AP3B2: variants seen among roughly 807,000 people sequenced by gnomAD.
The protein encoded by AP3B2 is AP-3 complex subunit beta-2.
AP3B2 carries 50 observed loss-of-function variants against 126.9 expected under a neutral mutation model. The ratio of observed to expected loss-of-function variants is 0.39; its 90% CI spans 0.31 to 0.50. The LOEUF (loss-of-function observed/expected upper bound fraction) is 0.50, where lower values mean the gene tolerates loss of function less well. AP3B2 is among the 20% of genes least tolerant of loss of function. The probability of loss-of-function intolerance (pLI) is 0.79; values close to 1 mark genes in which losing one functional copy is unlikely to be tolerated. For missense variants in AP3B2, 1,177 were observed against 1,426.4 expected, an observed-to-expected ratio of 0.83 and a Z score of 2.82; for synonymous variants, 541 against 565.0, an observed-to-expected ratio of 0.96 and a Z score of 0.60.
At chr15:82,698,778 G>A (rs1455162197) in intron 1 of AP3B2, among the ~76,000 whole-genome samples, 1 of 151,724 alleles carries the variant, frequency 6.6e-6, no homozygotes, top group African/African-American at 2.4e-5. Flanking sequence ...AATGCCACAT[G>A]CGCCTGTCAA....
rs549298889 is a variant in AP3B2 at position 82,703,098 on chromosome 15, G to A, written c.113+6496C>T. On this transcript the variant is annotated intron_variant, in intron 1 of 26. Transcript: ENST00000535359. ...TCTGTGAACCCAAAACTCCGGCGCC[G>A]ATCACGGACTCAGGAAGACAGTCTT... 5.3e-5 allele frequency among the ~76,000 whole-genome samples: 8 copies of A among 152,112 alleles called. No homozygotes were observed. In the East Asian group the frequency reaches 9.7e-4, roughly 18 times the overall value.
chr15:82,666,860 C>A lies in AP3B2; in HGVS notation c.1739G>T (p.Arg580Leu). 1 of 1,613,978 alleles carries A rather than the reference C, an allele frequency of 6.2e-7. No individual in the cohort carries two copies. The highest frequency in any genetic ancestry group is 8.5e-7 in the Non-Finnish European group (1 of 1,179,890). ...AGGGACGATGAGCTGCCGGGTGAAG[C>A]GCGCCCGGTCGCGAATATCATAGTT... ...DQNYDIRDRA[R>L]FTRQLIVPSE... is the part of the protein sequence containing the mutation. The change falls in exon 15 of 27, where the codon CGC (arginine) becomes CTC (leucine). Residue 580 changes from arginine (R) to leucine (L), a missense_variant. Physicochemically the swap from Arg to Leu is moderately radical, Grantham distance 102 (BLOSUM62 -2). Around this residue, in one of 5 missense-constraint regions of AP3B2, gnomAD observed 308 missense variants for 452.4 expected, o/e 0.68. Coordinates refer to ENST00000535359, the MANE Select transcript of AP3B2 (RefSeq NM_001278512.2).
At chr15:82,676,304 G>A (rs1402624330) in intron 14 of AP3B2, among the ~76,000 whole-genome samples, 157 bp downstream of exon 14, 1 of 152,200 alleles carries the variant, frequency 6.6e-6, no homozygotes, top group Non-Finnish European at 1.5e-5. Context: ...GGGCACTGGG[G>A]TAGCATTGGT....
At chr15:82,695,657 C>T (rs1427476897) in intron 1 of AP3B2, among the ~76,000 whole-genome samples, 1 of 152,144 alleles carries the variant, frequency 6.6e-6, no homozygotes, top group Admixed American at 6.5e-5. Context: ...GTGTTTGTCT[C>T]TACCCTTTAT....
Position 82,663,939 on chromosome 15 carries a change from CT to C in AP3B2, c.2297del (p.Lys766ArgfsTer29), listed in dbSNP as rs2048004912. The C allele has an allele frequency of 6.2e-7, 1 of 1,608,414 alleles. No homozygotes were observed. The highest frequency in any genetic ancestry group is 1.3e-5 in the African/African-American group (1 of 75,062). On this transcript the variant is annotated frameshift_variant, in exon 20 of 27. Transcript: ENST00000535359. LOFTEE classifies it high-confidence loss of function. ...QSEEDGKRKT[K>X]KKVPERKGEA... ...CTCCTTTTCTCTCTGGCACCTTCTTCTTTGTCTTCCTCTTACCATCCTCCTC... is the reference window on the plus strand; with the variant it reads ...CTCCTTTTCTCTCTGGCACCTTCTTCTTGTCTTCCTCTTACCATCCTCCTC...
At position 82,688,742 on chromosome 15, in the gene AP3B2, G is replaced by A. The variant is rs573639811; in HGVS notation, c.354C>T (p.Gly118=). Residue 118 remains glycine (G), a synonymous_variant, in exon 4 of 27, where the codon GGC becomes GGT. Transcript: ENST00000535359. ...GCAAACTGAGACCCCTGACCTTTAG[G>A]CCACGTTGGAAGGTGGAGATGGACA... ...ALLSISTFQR[G]LKDPNQLIRA... is the part of the protein sequence containing the mutation. 12 of 1,611,308 alleles carry A rather than the reference G, an allele frequency of 7.4e-6. No individual in the cohort carries two copies. The South Asian group carries it at 1.3e-4, about 18-fold the overall frequency.
chr15:82,659,556 G>T lies in AP3B2; in HGVS notation c.*4C>A. On this transcript the variant is annotated 3_prime_UTR_variant, in exon 27 of 27. Coordinates refer to ENST00000535359, the MANE Select transcript of AP3B2 (RefSeq NM_001278512.2). ...GGAGCCAAACAGGTCACAGCATTTGGAAGTCACTGGGTCAGAGCCTGTATC... is the reference window on the plus strand; with the variant it reads ...GGAGCCAAACAGGTCACAGCATTTGTAAGTCACTGGGTCAGAGCCTGTATC... The T allele has an allele frequency of 1.9e-6, 3 of 1,613,574 alleles. No individual in the cohort carries two copies. Among genetic ancestry groups the T allele is most frequent in the Non-Finnish European group, 2.5e-6 (3 of 1,179,704 alleles).
chr15:82,709,789 C>T lies in AP3B2; in HGVS notation c.-83G>A, dbSNP rs2048855067. 1.7e-6 allele frequency: 2 copies of T among 1,162,196 alleles called. No individual in the cohort carries two copies. Among genetic ancestry groups the T allele is most frequent in the South Asian group, 1.8e-5 (1 of 56,310 alleles). 72.0% of individuals were successfully genotyped at this position (1,162,196 alleles called of 1,614,324 possible). A position where few individuals can be genotyped will look rare whatever the true frequency, so the allele number is the denominator to read the frequency against. On this transcript the variant is annotated 5_prime_UTR_variant, in exon 1 of 27. Coordinates refer to ENST00000535359, the MANE Select transcript of AP3B2 (RefSeq NM_001278512.2). ...GCGGAGGAAGGGAAGGCGGGCCGGT[C>T]CGGTCCGGGCTGGCGAAGGCGGCGG... is the stretch of plus-strand genomic sequence containing the variant.
Position 82,692,351 on chromosome 15 carries a change from C to A in AP3B2, c.114-2898G>T, listed in dbSNP as rs556888392. On this transcript the variant is annotated intron_variant, in intron 1 of 26. Transcript: ENST00000535359. Reference sequence around the variant, plus strand: ...CACGCAGATGCGCTCATCCGCCCAGCCCAACATCGGCACCTCCCAACGCCC... The same window carrying A: ...CACGCAGATGCGCTCATCCGCCCAGACCAACATCGGCACCTCCCAACGCCC... 5.5e-6 allele frequency: 3 copies of A among 541,110 alleles called. No individual in the cohort carries two copies. In the East Asian group the frequency reaches 1.0e-4, roughly 18 times the overall value. 33.5% of individuals were successfully genotyped at this position (541,110 alleles called of 1,614,324 possible).
rs2047895593 is a variant in AP3B2 at position 82,659,401 on chromosome 15, TA to T, written c.*158del. 2.3e-6 allele frequency: 2 copies of T among 860,474 alleles called. No individual in the cohort carries two copies. The highest frequency in any genetic ancestry group is 3.4e-5 in the African/African-American group (2 of 59,370). 53.3% of individuals were successfully genotyped at this position (860,474 alleles called of 1,614,324 possible). Reference sequence around the variant, plus strand: ...ACTAAGGAATCCATGGGGAGGGCATTAGGGGAGGGCTTGGTCCTCCAGAGGG... The same window carrying T: ...ACTAAGGAATCCATGGGGAGGGCATTGGGGAGGGCTTGGTCCTCCAGAGGG... On this transcript the variant is annotated 3_prime_UTR_variant, in exon 27 of 27. Coordinates refer to ENST00000535359, the MANE Select transcript of AP3B2 (RefSeq NM_001278512.2).
chr15:82,672,781 G>T (rs2048178653), intron 14 of AP3B2, among the ~76,000 whole-genome samples: 1 of 152,218 alleles, frequency 6.6e-6, no homozygotes. Flanking sequence ...AGACGGTCTT[G>T]CTAGCAGACT....
Position 82,676,580 on chromosome 15 carries a change from G to A in AP3B2, c.1546C>T (p.Pro516Ser), listed in dbSNP as rs779059565. The change falls in exon 14 of 27, where the codon CCC becomes TCC. Residue 516 changes from proline (P) to serine (S), a missense_variant. Around this residue, in one of 5 missense-constraint regions of AP3B2, gnomAD observed 308 missense variants for 452.4 expected, o/e 0.68. Coordinates refer to ENST00000535359, the MANE Select transcript of AP3B2 (RefSeq NM_001278512.2). ...WLIGEYCEHV[P>S]RIAPDVLRKM... The stretch of plus-strand genomic sequence containing the variant: ...CTTAAGACATCAGGTGCAATCCTGG[G>A]GACATGCTCACAGTACTCTCCGATG... 6.2e-7 allele frequency: 1 copy of A among 1,614,008 alleles called. No homozygotes were observed. Among genetic ancestry groups the A allele is most frequent in the Non-Finnish European group, 8.5e-7 (1 of 1,179,892 alleles).
Position 82,665,171 on chromosome 15 carries a change from G to T in AP3B2, c.2028+76C>A. The T allele has an allele frequency of 6.8e-7, 1 of 1,470,296 alleles. No individual in the cohort carries two copies. The highest frequency in any genetic ancestry group is 2.5e-5 in the East Asian group (1 of 40,516). 91.1% of individuals were successfully genotyped at this position (1,470,296 alleles called of 1,614,324 possible). A position where few individuals can be genotyped will look rare whatever the true frequency, so the allele number is the denominator to read the frequency against. Reference sequence around the variant, plus strand: ...TGGAAACAGAGTATGGGAAGGCCCAGGAGCACAACACACAGGGGAAGAAGA... The same window carrying T: ...TGGAAACAGAGTATGGGAAGGCCCATGAGCACAACACACAGGGGAAGAAGA... On this transcript the variant is annotated intron_variant, in intron 17 of 26. Transcript: ENST00000535359. This position sits in a 1 kb window ranked among gnomAD's most constrained non-coding sequence, Gnocchi z 4.4.
intron 1 of AP3B2, among the ~76,000 whole-genome samples, chr15:82,703,212 G>A (rs943843049): frequency 6.6e-6 from 1 of 152,078 alleles, no homozygotes; most frequent in Non-Finnish European, 1.5e-5. Context: ...TGCCTGCCTT[G>A]ATCTTTCACC....
intron 20 of AP3B2, 72 bp from the exon 21 acceptor site, chr15:82,663,692 T>C: frequency 2.5e-6 from 4 of 1,610,152 alleles, no homozygotes; most frequent in Non-Finnish European, 3.4e-6. Flanking sequence ...GGGTAGAAGA[T>C]GTCATGTTCT....
rs758417351 is a variant in AP3B2 at position 82,677,279 on chromosome 15, T to A, written c.1483A>T (p.Ile495Phe). ...IKHLAKLTDN[I>F]QVPMARASIL... ...AAATATGGCTTCTCCCTCACCTGGA[T>A]GTTGTCTGTAAGCTTTGCCAAGTGT... Residue 495 changes from isoleucine (I) to phenylalanine (F), a missense_variant, in exon 13 of 27, where the codon ATC becomes TTC. Physicochemically the swap from Ile to Phe is conservative, Grantham distance 21 (BLOSUM62 0). Transcript: ENST00000535359. 2 of 1,612,592 alleles carry A rather than the reference T, an allele frequency of 1.2e-6. No homozygotes were observed. Among genetic ancestry groups the A allele is most frequent in the South Asian group, 2.2e-5 (2 of 90,782 alleles).
At position 82,695,527 on chromosome 15, in the gene AP3B2, G is replaced by A. The variant is rs747016606; in HGVS notation, c.114-6074C>T. Among the ~76,000 whole-genome samples the A allele has an allele frequency of 1.5e-4, 23 of 152,230 alleles. No individual in the cohort carries two copies. In the Middle Eastern group the frequency reaches 0.01, roughly 68 times the overall value. ...CTTCATAAAAACCCAAGAGGATAGG[G>A]TTTCGAGAGCTTCCAGACTGTGGAA... is the stretch of plus-strand genomic sequence containing the variant. On this transcript the variant is annotated intron_variant, in intron 1 of 26. Coordinates refer to ENST00000535359, the MANE Select transcript of AP3B2 (RefSeq NM_001278512.2).
Position 82,663,173 on chromosome 15 carries a change from G to A in AP3B2, c.2558C>T (p.Ala853Val), listed in dbSNP as rs1222026861. The A allele has an allele frequency of 6.2e-7, 1 of 1,612,738 alleles. No homozygotes were observed. Among genetic ancestry groups the A allele is most frequent in the Non-Finnish European group, 8.5e-7 (1 of 1,179,754 alleles). The change falls in exon 22 of 27, where the codon GCT becomes GTT. Residue 853 changes from alanine (A) to valine (V), a missense_variant. Ala to Val is a moderately conservative substitution (Grantham distance 64). This residue lies in a region of AP3B2 where 587 missense variants were observed against 571.3 expected (regional missense o/e 1.03). Transcript: ENST00000535359. ...PPAIVSTSLA[A>V]DLEGLTLTDS... is the part of the protein sequence containing the mutation. ...TGTGAGTGTCAGGCCCTCCAGGTCA[G>A]CAGCCAGACTGGTAGACACAATTGC...
intron 14 of AP3B2, among the ~76,000 whole-genome samples, chr15:82,670,839 TAACTC>T (rs993115256): frequency 1.1e-4 from 17 of 151,926 alleles, no homozygotes; most frequent in African/African-American, 2.7e-4. Flanking sequence ...GGAGATCAAA[TAACTC>T]AATAGGAAAA....
Sources: gnomAD v4.1 joint callset for allele counts (sites outside exome capture counted in the v4.1 genomes callset) on GRCh38, gnomAD v4.1.1 for gene constraint, gnomAD v4.1.1 regional missense constraint, Gnocchi (gnomAD v3.1) non-coding constraint, MANE v1.5 for transcripts, NCBI Gene and HGNC (gene_info 2026-07-23, HGNC 2026-07-21) for gene names.